The following TANK variants were observed in gnomAD, a reference collection of about 807,000 sequenced individuals.
The protein encoded by TANK is TRAF family member-associated NF-kappa-B activator.
A neutral mutation model predicts 43.6 loss-of-function variants in TANK; 15 were observed. That is an observed-to-expected ratio of 0.34 (90% confidence interval 0.23 to 0.53). TANK has a LOEUF of 0.53. TANK is among the 20% of genes least tolerant of loss of function. The probability of loss-of-function intolerance (pLI) is 0.94; values close to 1 mark genes in which losing one functional copy is unlikely to be tolerated. For missense variants in TANK, 417 were observed against 498.6 expected (o/e 0.84, Z 1.56); for synonymous variants, 162 against 178.2 (o/e 0.91, Z 0.73).
At chr2:161,187,013 A>G (rs1380655921) in intron 2 of TANK, among the ~76,000 whole-genome samples, 1 of 152,220 alleles carries the variant, frequency 6.6e-6, no homozygotes. Context: ...AAAATATTTG[A>G]CAAAAAAATA....
chr2:161,205,918 C>T (rs962332252), intron 4 of TANK, among the ~76,000 whole-genome samples: 11 of 152,050 alleles, frequency 7.2e-5, no homozygotes, highest in East Asian at 1.9e-4. Flanking sequence ...ATTCTACAGG[C>T]GCATGCTGCC....
At chr2:161,230,718 T>C (rs1464583162) in intron 6 of TANK, among the ~76,000 whole-genome samples, 1 of 152,208 alleles carries the variant, frequency 6.6e-6, no homozygotes, top group Non-Finnish European at 1.5e-5. Flanking sequence ...GTGAACAAGA[T>C]GCAAAGCTTA....
intron 1 of TANK, chr2:161,161,346 G>A (rs1684425695): frequency 6.4e-7 from 1 of 1,550,596 alleles, no homozygotes; most frequent in South Asian, 1.2e-5. Context: ...AAGAAGCGAC[G>A]TGAAATTGAA....
chr2:161,141,153 T>C lies in TANK; in HGVS notation c.-50+4090T>C, dbSNP rs145137756. ...GACAATGTTGTGTAAGCACCACCTCTATCTAGTTTCAAAACATTTTTACCA... is the reference window on the plus strand; with the variant it reads ...GACAATGTTGTGTAAGCACCACCTCCATCTAGTTTCAAAACATTTTTACCA... On this transcript the variant is annotated intron_variant, in intron 1 of 7. Transcript: ENST00000259075. 2.2e-3 allele frequency among the ~76,000 whole-genome samples: 329 copies of C among 152,274 alleles called. 2 individuals are homozygous for C. The highest frequency in any genetic ancestry group is 7.7e-3 in the African/African-American group (319 of 41,560).
chr2:161,196,893 T>A (rs1686177175), intron 2 of TANK, among the ~76,000 whole-genome samples: 2 of 152,152 alleles, frequency 1.3e-5, no homozygotes, highest in Non-Finnish European at 2.9e-5. Context: ...GGTTTAAGGA[T>A]TAAATGAGAT....
At chr2:161,222,370 A>T (rs1002572760) in intron 4 of TANK, among the ~76,000 whole-genome samples, 2 of 151,994 alleles carry the variant, frequency 1.3e-5, no homozygotes, top group African/African-American at 4.8e-5. Context: ...CACTTATTTT[A>T]TGATTTGTTT....
chr2:161,224,699 C>A lies in TANK; in HGVS notation c.473C>A (p.Ala158Glu). The change falls in exon 6 of 8, where the codon GCA (alanine) becomes GAA (glutamate). Residue 158 changes from alanine to glutamate, a missense_variant. Coordinates refer to ENST00000392749, the MANE Select transcript of TANK (RefSeq NM_001199135.3). Reference sequence around the variant, plus strand: ...CATAAAATATGCATGCTAGCAAAAGCACAGAAAGACCACTTAAGCAAACTT... The same window carrying A: ...CATAAAATATGCATGCTAGCAAAAGAACAGAAAGACCACTTAAGCAAACTT... ...EFHKICMLAK[A>E]QKDHLSKLNI... The A allele has an allele frequency of 6.3e-7, 1 of 1,584,922 alleles. No homozygotes were observed. Among genetic ancestry groups the A allele is most frequent in the Non-Finnish European group, 8.6e-7 (1 of 1,164,868 alleles).
At chr2:161,207,020 G>T (rs1558995959) in intron 4 of TANK, among the ~76,000 whole-genome samples, 1 of 151,604 alleles carries the variant, frequency 6.6e-6, no homozygotes, top group Non-Finnish European at 1.5e-5. Context: ...TAATAGTTTT[G>T]TTTTTTTTAA....
At chr2:161,137,397 C>T (rs1683616987) in intron 1 of TANK, among the ~76,000 whole-genome samples, 1 of 152,028 alleles carries the variant, frequency 6.6e-6, no homozygotes, top group East Asian at 1.9e-4. Flanking sequence ...GGTCCCTAGC[C>T]AAGACCAAGG....
chr2:161,224,412 T>C (rs1214798010), intron 5 of TANK, among the ~76,000 whole-genome samples: 2 of 152,114 alleles, frequency 1.3e-5, no homozygotes, highest in African/African-American at 4.8e-5. Context: ...GACTATACTA[T>C]ATTTATGTAT....
chr2:161,181,139 G>A (rs1037032320), intron 2 of TANK, among the ~76,000 whole-genome samples: 1 of 152,082 alleles, frequency 6.6e-6, no homozygotes, highest in Non-Finnish European at 1.5e-5. Context: ...ACTACTTGAC[G>A]GCCATGCATG....
chr2:161,233,729 C>G (rs1688037250), intron 7 of TANK, among the ~76,000 whole-genome samples: 2 of 151,968 alleles, frequency 1.3e-5, no homozygotes, highest in East Asian at 3.9e-4. Context: ...GATTGGCTTA[C>G]CAAATTTAGA....
intron 1 of TANK, among the ~76,000 whole-genome samples, chr2:161,154,236 T>G (rs534236248): frequency 6.6e-6 from 1 of 152,100 alleles, no homozygotes. Context: ...ACAGACCAGG[T>G]AAAATATGAG....
intron 7 of TANK, among the ~76,000 whole-genome samples, chr2:161,231,977 C>T (rs576547548): frequency 3.6e-4 from 55 of 152,272 alleles, no homozygotes; most frequent in African/African-American, 1.3e-3. Flanking sequence ...TTGCATCTTA[C>T]ATTTCTATTT....
At chr2:161,229,898 T>C (rs924466173) in intron 6 of TANK, among the ~76,000 whole-genome samples, 4 of 152,236 alleles carry the variant, frequency 2.6e-5, no homozygotes, top group Admixed American at 2.6e-4. Flanking sequence ...ATTTGGCTTT[T>C]TCTAGTGTCT....
At chr2:161,165,489 TC>T (rs1348994635) in intron 1 of TANK, among the ~76,000 whole-genome samples, 2 of 152,190 alleles carry the variant, frequency 1.3e-5, no homozygotes, top group Non-Finnish European at 2.9e-5. Flanking sequence ...GTATTTGGAA[TC>T]CCAAAAGTAG....
intron 4 of TANK, among the ~76,000 whole-genome samples, chr2:161,215,657 G>A (rs1006796111): frequency 8.6e-5 from 13 of 152,036 alleles, no homozygotes; most frequent in African/African-American, 3.1e-4. Flanking sequence ...TTTAAGTACA[G>A]GATCTTCAGC....
At chr2:161,204,422 A>G (rs1376808884) in intron 3 of TANK, among the ~76,000 whole-genome samples, 1 of 152,198 alleles carries the variant, frequency 6.6e-6, no homozygotes, top group African/African-American at 2.4e-5. Flanking sequence ...GCATATTTCT[A>G]GTTTTCTAAA....
intron 2 of TANK, among the ~76,000 whole-genome samples, chr2:161,187,622 G>T (rs895008954): frequency 1.3e-5 from 2 of 152,078 alleles, no homozygotes; most frequent in Admixed American, 1.3e-4. Context: ...AATAGTAGGA[G>T]AATTAAAGTA....
Sources: gnomAD v4.1 joint callset for allele counts (sites outside exome capture counted in the v4.1 genomes callset) on GRCh38, gnomAD v4.1.1 for gene constraint, MANE v1.5 for transcripts, NCBI Gene and HGNC (gene_info 2026-07-23, HGNC 2026-07-21) for gene names.